The following FNTA variants were observed in gnomAD, a reference collection of about 807,000 sequenced individuals.
FNTA encodes farnesyltransferase, CAAX box, subunit alpha, also known as protein farnesyltransferase/geranylgeranyltransferase type-1 subunit alpha.
Under a neutral mutation model 55.2 loss-of-function variants are expected in FNTA, and 27 were observed. That is an observed-to-expected ratio of 0.49 (90% CI 0.36 to 0.67). FNTA has a LOEUF of 0.67. Ranked by LOEUF, FNTA falls within the 30% of genes least tolerant of loss-of-function variation. The pLI, the probability that FNTA is intolerant of heterozygous loss-of-function variation, is 0.00. For synonymous variants in FNTA, 176 were observed against 170.7 expected (o/e 1.03, Z -0.24); for missense variants, 422 against 464.7 (o/e 0.91, Z 0.85).
chr8:43,057,190 C>T (rs1477436520), intron 1 of FNTA: 1 of 152,172 alleles, frequency 6.6e-6, no homozygotes, highest in Non-Finnish European at 1.5e-5. Context: ...CCTCTGTCAC[C>T]CCGTCTTTGC....
In FNTA at chr8:43,066,433, A is replaced by AT. The variant is rs1221434339; in HGVS notation, c.401+2225dup. On this transcript the variant is annotated intron_variant, in intron 3 of 8. Transcript: ENST00000302279. ...CACCACTCCCAGCTAATTTTTTTGT[A>AT]TTTTTTTAGTAGAGATGGGGTTTCA... Among the ~76,000 whole-genome samples the AT allele has an allele frequency of 9.3e-5, 14 of 149,852 alleles. No individual in the cohort carries two copies. In the South Asian group the frequency reaches 1.0e-3, roughly 11 times the overall value.
chr8:43,084,531 C>G, intron 7 of FNTA, 179 bp from the exon 8 acceptor site: 2 of 520,650 alleles, frequency 3.8e-6, no homozygotes, highest in Non-Finnish European at 6.6e-6. Context: ...TCTTAATTAA[C>G]TAATGATCTA....
rs1336525152 is a variant in FNTA at position 43,068,318 on chromosome 8, T to C, written c.402-1237T>C. 5.3e-5 allele frequency among the ~76,000 whole-genome samples: 8 copies of C among 152,306 alleles called. No individual in the cohort carries two copies. In the East Asian group the frequency reaches 1.5e-3, roughly 29 times the overall value. On this transcript the variant is annotated intron_variant, in intron 3 of 8. Transcript: ENST00000302279. ...AAGCTAATAAAATTAGGTCCTGGAA[T>C]GTCCCTTACTATATATCGAGTTGGA...
intron 3 of FNTA, among the ~76,000 whole-genome samples, chr8:43,069,149 T>G (rs1489791003): frequency 6.6e-6 from 1 of 151,464 alleles, no homozygotes; most frequent in Non-Finnish European, 1.5e-5. Context: ...GGAGTCTCCC[T>G]CTGTTGCCCA....
chr8:43,074,382 G>A (rs1179949717), intron 5 of FNTA, among the ~76,000 whole-genome samples: 1 of 152,072 alleles, frequency 6.6e-6, no homozygotes, highest in African/African-American at 2.4e-5. Context: ...AAAATGAGAC[G>A]AGCGTAGTGG....
At chr8:43,075,024 GA>G (rs1319697562) in intron 5 of FNTA, among the ~76,000 whole-genome samples, 1 of 152,168 alleles carries the variant, frequency 6.6e-6, no homozygotes, top group East Asian at 1.9e-4. Context: ...ACCATTTGGG[GA>G]ATCTAAGTGA....
intron 2 of FNTA, 56 bp from the exon 3 acceptor site, chr8:43,064,045 T>C: frequency 9.6e-7 from 1 of 1,043,406 alleles, no homozygotes; most frequent in Non-Finnish European, 1.5e-6. Context: ...CATTATACAT[T>C]ATAGTGCTAA....
At chr8:43,067,715 A>C (rs1810693553) in intron 3 of FNTA, among the ~76,000 whole-genome samples, 1 of 142,292 alleles carries the variant, frequency 7.0e-6, no homozygotes, top group East Asian at 2.1e-4. Context: ...ATTTTATTTT[A>C]TTTTATTTTT....
In FNTA at chr8:43,064,098, T is replaced by C; in HGVS notation, c.287-3T>C. 4 of 1,588,278 alleles carry C rather than the reference T, an allele frequency of 2.5e-6. No individual in the cohort carries two copies. Among genetic ancestry groups the C allele is most frequent in the Non-Finnish European group, 3.5e-6 (4 of 1,156,960 alleles). On this transcript the variant is annotated splice_region_variant and splice_polypyrimidine_tract_variant and intron_variant, in intron 2 of 8. Transcript: ENST00000302279. ...CTAATGTAGTTGTGTGCTCTATCTCTAGTTAGAGATGTTTATGATTACTTC... is the reference window on the plus strand; with the variant it reads ...CTAATGTAGTTGTGTGCTCTATCTCCAGTTAGAGATGTTTATGATTACTTC...
At chr8:43,066,037 TG>T (rs1031140641) in intron 3 of FNTA, among the ~76,000 whole-genome samples, 3 of 151,362 alleles carry the variant, frequency 2.0e-5, no homozygotes, top group African/African-American at 4.9e-5. Context: ...GGGATTTTTC[TG>T]GGTTCTTCTG....
chr8:43,076,946 C>T (rs1810925727), intron 5 of FNTA: 2 of 287,580 alleles, frequency 7.0e-6, no homozygotes, highest in African/African-American at 2.2e-5. Flanking sequence ...GTCACTCCTT[C>T]TCTTACTAGT....
At chr8:43,080,959 C>T (rs889302318) in intron 6 of FNTA, 7 of 152,170 alleles carry the variant, frequency 4.6e-5, no homozygotes, top group African/African-American at 1.7e-4. Flanking sequence ...TCTAAAAGAG[C>T]TTCCTATACT....
At chr8:43,064,664 G>A (rs1810613071) in intron 3 of FNTA, among the ~76,000 whole-genome samples, 1 of 151,662 alleles carries the variant, frequency 6.6e-6, no homozygotes, top group Non-Finnish European at 1.5e-5. Flanking sequence ...AAAGTCAGAA[G>A]CTGCATGAAA....
chr8:43,058,905 T>C (rs1810471524), intron 1 of FNTA, 187 bp from the exon 2 acceptor site: 1 of 418,928 alleles, frequency 2.4e-6, no homozygotes, highest in African/African-American at 2.0e-5. Flanking sequence ...TTAATTTTAC[T>C]TTAATAGTTT....
At chr8:43,056,811 A>ACTGCACT (rs1810418296) in intron 1 of FNTA, 1 of 166,508 alleles carries the variant, frequency 6.0e-6, no homozygotes, top group Non-Finnish European at 1.3e-5. Context: ...TGCACCCTTG[A>ACTGCACT]CTGCACTCGT....
chr8:43,083,787 C>T (rs1207722437), intron 7 of FNTA, among the ~76,000 whole-genome samples: 1 of 152,110 alleles, frequency 6.6e-6, no homozygotes, highest in African/African-American at 2.4e-5. Flanking sequence ...CAAGAGAAGA[C>T]GAGGGCTGGG....
At chr8:43,084,665 C>T in intron 7 of FNTA, 45 bp from the exon 8 acceptor site, 1 of 1,486,920 alleles carries the variant, frequency 6.7e-7, no homozygotes, top group East Asian at 2.3e-5. Flanking sequence ...TGCTTTTGTT[C>T]TTCCTTCACA....
intron 3 of FNTA, among the ~76,000 whole-genome samples, chr8:43,065,414 A>G (rs1810632406): frequency 6.6e-6 from 1 of 151,706 alleles, no homozygotes; most frequent in South Asian, 2.1e-4. Context: ...CACCCAGCTA[A>G]TTTTGTATTT....
At chr8:43,060,615 C>T (rs1810508526) in intron 2 of FNTA, among the ~76,000 whole-genome samples, 1 of 150,348 alleles carries the variant, frequency 6.7e-6, no homozygotes, top group Non-Finnish European at 1.5e-5. Flanking sequence ...GTGGAGGTTG[C>T]AGTGAGCCAC....
Sources: allele counts gnomAD v4.1 joint callset (sites outside exome capture counted in the v4.1 genomes callset), GRCh38; gene constraint gnomAD v4.1.1; transcripts MANE v1.5; gene names NCBI Gene and HGNC (gene_info 2026-07-23, HGNC 2026-07-21).